The following TSPAN14 variants were observed in gnomAD, a reference collection of about 807,000 sequenced individuals.
TSPAN14 encodes tetraspanin-14.
TSPAN14 carries 16 observed loss-of-function variants against 36.6 expected under a neutral mutation model. That is an observed-to-expected ratio of 0.44 (90% CI 0.30 to 0.66). The LOEUF is 0.66. TSPAN14 is among the 30% of genes least tolerant of loss of function. The probability of loss-of-function intolerance (pLI) is 0.12; values close to 1 mark genes in which losing one functional copy is unlikely to be tolerated. For synonymous variants in TSPAN14, 139 were observed against 143.8 expected, an observed-to-expected ratio of 0.97 and a Z score of 0.24; for missense variants, 231 against 355.1, an observed-to-expected ratio of 0.65 and a Z score of 2.81.
intron 1 of TSPAN14, among the ~76,000 whole-genome samples, chr10:80,462,773 T>A (rs2131955994): frequency 6.6e-6 from 1 of 152,336 alleles, no homozygotes; most frequent in East Asian, 1.9e-4. Context: ...AAACTGTTTT[T>A]AGCCTGTCCT....
At chr10:80,514,672 A>G (rs1040712601) in intron 7 of TSPAN14, among the ~76,000 whole-genome samples, 1 of 152,174 alleles carries the variant, frequency 6.6e-6, no homozygotes, top group Non-Finnish European at 1.5e-5. Context: ...AGCCGTGGAT[A>G]TGAGGGATGT....
chr10:80,516,039 G>T (rs36113069), intron 7 of TSPAN14, 165 bp from the exon 8 acceptor site: 217,686 of 1,001,030 alleles, frequency 0.22, 25,883 homozygotes, highest in South Asian at 0.39. Flanking sequence ...AGGGGCAGAG[G>T]CTGAGAGGAG....
intron 8 of TSPAN14, among the ~76,000 whole-genome samples, chr10:80,516,852 G>A (rs994774827): frequency 2.0e-5 from 3 of 152,230 alleles, no homozygotes; most frequent in Non-Finnish European, 4.4e-5. Context: ...GCCTGCTGCC[G>A]TTTGTGGCAT....
At chr10:80,472,950 G>A (rs7080169) in intron 1 of TSPAN14, among the ~76,000 whole-genome samples, 55,957 of 151,824 alleles carry the variant, frequency 0.37, 10,610 homozygotes, top group South Asian at 0.48. Context: ...CTCCTGAGCC[G>A]TTCTGCTGTC....
intron 1 of TSPAN14, among the ~76,000 whole-genome samples, chr10:80,456,132 C>A (rs1339542297): frequency 6.6e-6 from 1 of 152,152 alleles, no homozygotes; most frequent in Non-Finnish European, 1.5e-5. Context: ...TCTGGAAAGT[C>A]CCTCACCAGC....
chr10:80,494,389 T>G (rs1564732237), intron 2 of TSPAN14, among the ~76,000 whole-genome samples: 2 of 152,322 alleles, frequency 1.3e-5, no homozygotes, highest in African/African-American at 4.8e-5. Context: ...TGAGAGAGTC[T>G]TGCGAATTTT....
At chr10:80,493,378 G>A (rs72819595) in intron 2 of TSPAN14, among the ~76,000 whole-genome samples, 3,406 of 152,304 alleles carry the variant, frequency 0.022, 52 homozygotes, top group Middle Eastern at 0.041. Flanking sequence ...TAGAATTACC[G>A]TATGATCCAA....
chr10:80,518,043 C>G (rs952297786), exon 9 of TSPAN14: 1 of 1,509,312 alleles, frequency 6.6e-7, no homozygotes, highest in Non-Finnish European at 9.0e-7. Flanking sequence ...GCCATCAGCC[C>G]TACGTCCAGA....
chr10:80,467,111 T>G (rs533506903), intron 1 of TSPAN14, among the ~76,000 whole-genome samples: 1 of 152,204 alleles, frequency 6.6e-6, no homozygotes, highest in Non-Finnish European at 1.5e-5. Flanking sequence ...CGGTATCTTA[T>G]TGTCACAAAG....
intron 2 of TSPAN14, among the ~76,000 whole-genome samples, chr10:80,489,738 A>C (rs1421472084): frequency 6.6e-6 from 1 of 152,228 alleles, no homozygotes; most frequent in Non-Finnish European, 1.5e-5. Flanking sequence ...TGTAGTGCTT[A>C]TGTGTAACCA....
chr10:80,472,155 A>T (rs1050337506), intron 1 of TSPAN14, among the ~76,000 whole-genome samples: 10 of 151,856 alleles, frequency 6.6e-5, no homozygotes, highest in South Asian at 2.1e-4. Flanking sequence ...TAAAAGTGAA[A>T]ATCTCCAATG....
At chr10:80,511,223 C>T (rs1212348797) in intron 5 of TSPAN14, among the ~76,000 whole-genome samples, 1 of 152,180 alleles carries the variant, frequency 6.6e-6, no homozygotes, top group African/African-American at 2.4e-5. Context: ...TTTGTAGCCA[C>T]ACCAGATGCG....
chr10:80,501,326 A>G (rs576328279), intron 2 of TSPAN14, among the ~76,000 whole-genome samples: 24 of 119,268 alleles, frequency 2.0e-4, no homozygotes, highest in African/African-American at 5.6e-4. Context: ...GGGTCTTGCT[A>G]TGTTGCCCAG....
chr10:80,497,152 T>G (rs914318215), intron 2 of TSPAN14, among the ~76,000 whole-genome samples: 34 of 152,226 alleles, frequency 2.2e-4, no homozygotes, highest in African/African-American at 8.0e-4. Flanking sequence ...TTGTGTAATA[T>G]TCTATTGTGG....
intron 6 of TSPAN14, 75 bp from the exon 7 acceptor site, chr10:80,513,944 G>A: frequency 1.5e-6 from 2 of 1,306,752 alleles, no homozygotes; most frequent in Non-Finnish European, 2.2e-6. Context: ...GTGTTTGGTT[G>A]TGACTTTACT....
chr10:80,464,487 G>A (rs555267623), intron 1 of TSPAN14, among the ~76,000 whole-genome samples: 2 of 152,306 alleles, frequency 1.3e-5, no homozygotes, highest in South Asian at 2.1e-4. Flanking sequence ...GTTTCCCTGT[G>A]TGGCTTTCAC....
Position 80,507,319 on chromosome 10 carries a change from TG to T in TSPAN14, c.228del (p.Phe77SerfsTer43). ...ATGGTGGGCGTGGTGATGTTCACCC[TG>T]GGGTTCGCCGGCTGCGTGGGGGCTC... On this transcript the variant is annotated frameshift_variant, in exon 4 of 9. Coordinates refer to ENST00000429989, the Ensembl canonical transcript of TSPAN14. LOFTEE classifies it high-confidence loss of function. 1.2e-6 allele frequency: 2 copies of T among 1,614,220 alleles called. No homozygotes were observed. Among genetic ancestry groups the T allele is most frequent in the Non-Finnish European group, 1.7e-6 (2 of 1,180,030 alleles).
chr10:80,482,650 A>G (rs1847346645), intron 1 of TSPAN14, among the ~76,000 whole-genome samples: 1 of 150,940 alleles, frequency 6.6e-6, no homozygotes, highest in Admixed American at 6.6e-5. Flanking sequence ...ACTTTTGTTA[A>G]ATGTATTTCT....
chr10:80,473,205 A>T (rs892679175), intron 1 of TSPAN14, among the ~76,000 whole-genome samples: 2 of 151,888 alleles, frequency 1.3e-5, no homozygotes, highest in African/African-American at 4.8e-5. Flanking sequence ...CCCACTGAGG[A>T]CTCCCCTGAC....
Sources: allele counts gnomAD v4.1 joint callset (sites outside exome capture counted in the v4.1 genomes callset), GRCh38; gene constraint gnomAD v4.1.1; transcripts MANE v1.5; gene names NCBI Gene and HGNC (gene_info 2026-07-23, HGNC 2026-07-21).